Variants in RNF157 observed in about 807,000 individuals in gnomAD.
The protein encoded by RNF157 is ring finger protein 157, also known as E3 ubiquitin ligase RNF157.
Under a neutral mutation model 88.3 loss-of-function variants are expected in RNF157, and 55 were observed. The ratio of observed to expected loss-of-function variants is 0.62; its 90% CI spans 0.50 to 0.78. RNF157 has a LOEUF of 0.78. RNF157 is among the 30% of genes least tolerant of loss of function. RNF157 has a pLI of 0.00. For missense variants in RNF157, 788 were observed against 860.8 expected (o/e 0.92, Z 1.06); for synonymous variants, 334 against 341.2 (o/e 0.98, Z 0.23).
intron 2 of RNF157, among the ~76,000 whole-genome samples, chr17:76,174,945 G>GT (rs1189604967): frequency 2.0e-5 from 3 of 152,096 alleles, no homozygotes; most frequent in Admixed American, 1.3e-4. Context: ...AAAAATGATA[G>GT]TTTTTTCTAA....
At chr17:76,232,457 C>T (rs939067794) in intron 1 of RNF157, among the ~76,000 whole-genome samples, 2 of 152,002 alleles carry the variant, frequency 1.3e-5, no homozygotes, top group African/African-American at 4.8e-5. Flanking sequence ...TATGACTGTA[C>T]CATGAAATAA....
In RNF157 at chr17:76,180,150, G is replaced by C. The variant is rs540268351; in HGVS notation, c.208-6360C>G. ...ACCTCAAGCTCAGTATGGATTTATA[G>C]AATGGCTTCCTGTTTCTCAGGTATC... On this transcript the variant is annotated intron_variant, in intron 2 of 18. Coordinates refer to ENST00000269391, the MANE Select transcript of RNF157 (RefSeq NM_052916.3). Among the ~76,000 whole-genome samples the C allele has an allele frequency of 3.3e-5, 5 of 152,280 alleles. No homozygotes were observed. The South Asian group carries it at 1.0e-3, about 32-fold the overall frequency.
At chr17:76,185,704 C>T (rs1030826748) in intron 2 of RNF157, among the ~76,000 whole-genome samples, 1 of 151,944 alleles carries the variant, frequency 6.6e-6, no homozygotes, top group African/African-American at 2.4e-5. Context: ...CTCCTGACCT[C>T]GTGATCCGCC....
chr17:76,218,779 C>T (rs1451620249), intron 1 of RNF157, among the ~76,000 whole-genome samples: 2 of 151,814 alleles, frequency 1.3e-5, no homozygotes, highest in Non-Finnish European at 2.9e-5. Flanking sequence ...ACTAAAAATA[C>T]AAAAATTAGC....
At chr17:76,236,940 A>C (rs1046044793) in intron 1 of RNF157, among the ~76,000 whole-genome samples, 3 of 152,240 alleles carry the variant, frequency 2.0e-5, no homozygotes, top group African/African-American at 7.2e-5. Flanking sequence ...CAAAGAAACC[A>C]AAAGTGGTTA....
intron 3 of RNF157, among the ~76,000 whole-genome samples, chr17:76,173,138 T>C (rs377453550): frequency 1.3e-5 from 2 of 151,738 alleles, no homozygotes. Flanking sequence ...TACAAAAAAT[T>C]AGCCGGACGT....
Position 76,162,615 on chromosome 17 carries a change from C to T in RNF157, c.729G>A (p.Gly243=). 6.2e-7 allele frequency: 1 copy of T among 1,611,334 alleles called. No homozygotes were observed. The highest frequency in any genetic ancestry group is 8.5e-7 in the Non-Finnish European group (1 of 1,178,774). ...KPLKQKQVVD[G]VSYLLQEIYG... is the part of the protein sequence containing the mutation. ...AGATCTCCTGAAGGAGGTAGCTGAC[C>T]CCGTCTACCTGAACAGCAAACAGAA... The change falls in exon 9 of 19, where the codon GGG becomes GGA. Residue 243 remains glycine (G), a synonymous_variant. Coordinates refer to ENST00000269391, the MANE Select transcript of RNF157 (RefSeq NM_052916.3).
intron 1 of RNF157, 58 bp from the exon 2 acceptor site, chr17:76,212,540 G>T: frequency 4.9e-6 from 5 of 1,025,140 alleles, no homozygotes; most frequent in Non-Finnish European, 7.4e-6. Flanking sequence ...CCTAAATCTA[G>T]TAAAAAAAAA....
chr17:76,164,843 G>T, intron 7 of RNF157, 48 bp from the exon 8 acceptor site: 7 of 1,392,726 alleles, frequency 5.0e-6, no homozygotes, highest in Non-Finnish European at 6.1e-6. Flanking sequence ...GGGTAATAAA[G>T]CACCAGGTAT....
At chr17:76,175,062 C>T (rs962557461) in intron 2 of RNF157, among the ~76,000 whole-genome samples, 4 of 152,180 alleles carry the variant, frequency 2.6e-5, no homozygotes, top group East Asian at 1.9e-4. Flanking sequence ...TTATGGAATA[C>T]GTATCTCCAT....
At chr17:76,169,904 G>T (rs1427109247) in intron 3 of RNF157, among the ~76,000 whole-genome samples, 3 of 152,118 alleles carry the variant, frequency 2.0e-5, no homozygotes, top group Non-Finnish European at 4.4e-5. Flanking sequence ...TTAAAATGTT[G>T]GTTTGTTTTG....
chr17:76,162,466 G>A, intron 9 of RNF157, 86 bp downstream of exon 9: 1 of 915,546 alleles, frequency 1.1e-6, no homozygotes, highest in Admixed American at 1.9e-5. Flanking sequence ...TTCAGAGTTT[G>A]GCACGCTAAA....
chr17:76,181,334 A>G (rs912210107), intron 2 of RNF157, among the ~76,000 whole-genome samples: 31 of 152,298 alleles, frequency 2.0e-4, no homozygotes, highest in African/African-American at 7.5e-4. Context: ...GTACAAAATC[A>G]TACCACGCAC....
Position 76,176,927 on chromosome 17 carries a change from G to T in RNF157, c.208-3137C>A, listed in dbSNP as rs1327652064. ...CCTGCCGAGGGTGCCAGGTTCCTGT[G>T]CCTCGGGAGGAGGTTCTGCGCAGCC... On this transcript the variant is annotated intron_variant, in intron 2 of 18. Coordinates refer to ENST00000269391, the MANE Select transcript of RNF157 (RefSeq NM_052916.3). The surrounding 1 kb of genome is among the most constrained non-coding windows in gnomAD (Gnocchi z 4.2). Among the ~76,000 whole-genome samples the T allele has an allele frequency of 1.3e-5, 2 of 152,154 alleles. No homozygotes were observed. Among genetic ancestry groups the T allele is most frequent in the Non-Finnish European group, 2.9e-5 (2 of 67,984 alleles).
intron 17 of RNF157, 58 bp from the exon 18 acceptor site, chr17:76,152,523 G>T: frequency 1.0e-6 from 1 of 999,672 alleles, no homozygotes; most frequent in Non-Finnish European, 1.6e-6. Context: ...CTGCGTTGCT[G>T]TCCTTAAAAT....
intron 2 of RNF157, among the ~76,000 whole-genome samples, chr17:76,205,215 T>C (rs2069660771): frequency 6.6e-6 from 1 of 151,526 alleles, no homozygotes; most frequent in Admixed American, 6.6e-5. Context: ...CATGGCTCAC[T>C]GCAGCTTTGA....
rs1324682630 is a variant in RNF157 at position 76,156,263 on chromosome 17, T to G, written c.1472A>C (p.Asp491Ala). ...NLTLSSSGAI[D>A]QSSCTGTPLS... The stretch of plus-strand genomic sequence containing the variant: ...AGGCGTCCCTGTGCAAGACGACTGG[T>G]CAATAGCTCCAGATGACGACAAGGT... The change falls in exon 14 of 19, where the codon GAC becomes GCC. Residue 491 changes from aspartate to alanine, a missense_variant. Transcript: ENST00000269391. 1.2e-6 allele frequency: 2 copies of G among 1,613,856 alleles called. No homozygotes were observed. Among genetic ancestry groups the G allele is most frequent in the African/African-American group, 1.3e-5 (1 of 74,864 alleles).
chr17:76,211,429 T>C (rs1354411204), intron 2 of RNF157, among the ~76,000 whole-genome samples: 1 of 152,218 alleles, frequency 6.6e-6, no homozygotes, highest in Non-Finnish European at 1.5e-5. Flanking sequence ...CTGATCTTTA[T>C]TGTTAATTAA....
intron 1 of RNF157, among the ~76,000 whole-genome samples, chr17:76,224,321 T>C (rs2070039852): frequency 6.6e-6 from 1 of 152,178 alleles, no homozygotes; most frequent in Admixed American, 6.6e-5. Context: ...CAATAAGATA[T>C]TGTGACATTT....
Sources: allele counts gnomAD v4.1 joint callset (sites outside exome capture counted in the v4.1 genomes callset), GRCh38; gene constraint gnomAD v4.1.1; non-coding constraint Gnocchi (gnomAD v3.1); transcripts MANE v1.5; gene names NCBI Gene and HGNC (gene_info 2026-07-23, HGNC 2026-07-21).